The following ZMYM1 variants were observed in gnomAD, a reference collection of about 807,000 sequenced individuals.
ZMYM1 encodes the protein zinc finger MYM-type protein 1.
In ZMYM1, 39 loss-of-function variants were observed where a neutral mutation model predicts 60.0. The ratio of observed to expected loss-of-function variants is 0.65; its 90% confidence interval spans 0.50 to 0.85. The LOEUF (loss-of-function observed/expected upper bound fraction) is 0.85, where lower values mean the gene tolerates loss of function less well. Ranked by LOEUF, ZMYM1 falls within the 40% of genes least tolerant of loss-of-function variation. The pLI, the probability that ZMYM1 is intolerant of heterozygous loss-of-function variation, is 0.00. For synonymous variants in ZMYM1, 413 were observed against 454.0 expected (o/e 0.91, Z 1.15); for missense variants, 1,171 against 1,309.5 (o/e 0.89, Z 1.63).
chr1:35,108,554 T>C (rs1349737671), intron 6 of ZMYM1, among the ~76,000 whole-genome samples: 1 of 151,994 alleles, frequency 6.6e-6, no homozygotes, highest in African/African-American at 2.4e-5. Context: ...GGTTCCACCA[T>C]GTTGGCCAGG....
At chr1:35,105,831 T>C (rs1307667802) in intron 6 of ZMYM1, among the ~76,000 whole-genome samples, 3 of 152,182 alleles carry the variant, frequency 2.0e-5, no homozygotes, top group African/African-American at 7.2e-5. Context: ...GTCTTACAAC[T>C]CCTGAACTCA....
chr1:35,104,766 G>C lies in ZMYM1; in HGVS notation c.804G>C (p.Lys268Asn), dbSNP rs1166528460. The C allele has an allele frequency of 6.2e-7, 1 of 1,610,380 alleles. No homozygotes were observed. Among genetic ancestry groups the C allele is most frequent in the East Asian group, 2.2e-5 (1 of 44,762 alleles). ...FNSSKSITAY[K>N]QKPAKPLISV... ...GTTCAAAGAGTATTACAGCATATAA[G>C]CAGGTATGAATAAAGACCTATTGTT... is the stretch of plus-strand genomic sequence containing the variant. The change falls in exon 6 of 10, where the codon AAG (lysine) becomes AAC (asparagine). Residue 268 changes from lysine to asparagine, a missense_variant. Transcript: ENST00000359858.
At chr1:35,074,419 CTTTT>C (rs932886687), upstream of ZMYM1, among the ~76,000 whole-genome samples, 6 of 151,024 alleles carry the variant, frequency 4.0e-5, no homozygotes, top group African/African-American at 1.5e-4. Context: ...TGTTGATTTT[CTTTT>C]TTTTTCTTTT....
chr1:35,065,876 A>G (rs1203938160), intron 1 of ZMYM1, among the ~76,000 whole-genome samples: 1 of 152,152 alleles, frequency 6.6e-6, no homozygotes, highest in Non-Finnish European at 1.5e-5. Flanking sequence ...TACAGGGCAC[A>G]CAAACATTAA....
At position 35,110,291 on chromosome 1, in the gene ZMYM1, C is replaced by T. The variant is rs767969228; in HGVS notation, c.808-3C>T. 1 of 1,508,434 alleles carries T rather than the reference C, an allele frequency of 6.6e-7. No individual in the cohort carries two copies. The highest frequency in any genetic ancestry group is 2.5e-5 in the East Asian group (1 of 40,164). 93.4% of individuals were successfully genotyped at this position (1,508,434 alleles called of 1,614,324 possible). On this transcript the variant is annotated splice_polypyrimidine_tract_variant and splice_region_variant and intron_variant, in intron 6 of 9. Transcript: ENST00000359858. Reference sequence around the variant, plus strand: ...TATGAATATTATTTTAATCTCTAAACAGAAACCTGCCAAACCACTTATATC... The same window carrying T: ...TATGAATATTATTTTAATCTCTAAATAGAAACCTGCCAAACCACTTATATC...
At position 35,114,130 on chromosome 1, in the gene ZMYM1, C is replaced by G. The variant is rs1398817045; in HGVS notation, c.2300C>G (p.Ala767Gly). The change falls in exon 10 of 10, where the codon GCT (alanine) becomes GGT (glycine). Residue 767 changes from alanine to glycine, a missense_variant. Transcript: ENST00000359858. ...FCKEVKELRSALKTLSSLFNT... is the reference protein window; with the variant it reads ...FCKEVKELRSGLKTLSSLFNT... The stretch of plus-strand genomic sequence containing the variant: ...AAAGAAGTAAAAGAACTCCGAAGTG[C>G]TCTAAAAACTCTCAGTTCTTTGTTC... 1.2e-6 allele frequency: 2 copies of G among 1,609,354 alleles called. No homozygotes were observed. Among genetic ancestry groups the G allele is most frequent in the East Asian group, 4.5e-5 (2 of 44,850 alleles).
At chr1:35,067,816 A>T (rs1641998194) in intron 1 of ZMYM1, among the ~76,000 whole-genome samples, 1 of 151,870 alleles carries the variant, frequency 6.6e-6, no homozygotes. Flanking sequence ...CGGAGGTTGC[A>T]GTGAGCTGAG....
chr1:35,113,288 A>G lies in ZMYM1; in HGVS notation c.1458A>G (p.Lys486=), dbSNP rs780876677. The G allele has an allele frequency of 2.5e-6, 4 of 1,612,468 alleles. No individual in the cohort carries two copies. Among genetic ancestry groups the G allele is most frequent in the Admixed American group, 3.3e-5 (2 of 59,990 alleles). Residue 486 remains lysine, a synonymous_variant, in exon 10 of 10, where the codon AAA becomes AAG. Transcript: ENST00000359858. ...FCYSCQLFCQ[K]YFSCGRESFA... ...ATTCATGCCAGTTGTTCTGCCAAAA[A>G]TATTTTAGCTGTGGAAGAGAGTCAT...
At chr1:35,082,254 CG>C (rs1007453027) in intron 1 of ZMYM1, among the ~76,000 whole-genome samples, 1 of 139,378 alleles carries the variant, frequency 7.2e-6, no homozygotes, top group Non-Finnish European at 1.5e-5. Context: ...GTTTCTTTTG[CG>C]GGGGGTGAGT....
At chr1:35,116,989 G>T (rs1446692598), downstream of ZMYM1, among the ~76,000 whole-genome samples, 1 of 150,172 alleles carries the variant, frequency 6.7e-6, no homozygotes, top group Admixed American at 6.6e-5. Context: ...GACTACAGGC[G>T]CCCGCCACTG....
chr1:35,111,821 A>G lies in ZMYM1; in HGVS notation c.1011A>G (p.Pro337=). 1.2e-6 allele frequency: 2 copies of G among 1,607,966 alleles called. No individual in the cohort carries two copies. The highest frequency in any genetic ancestry group is 1.1e-5 in the South Asian group (1 of 90,188). ...ATACTTCAACAGAGCTTCTTTCTCC[A>G]AAGAAAGATACGACTCCAGTTATAA... ...VHDTSTELLS[P]KKDTTPVISN... Residue 337 remains proline (P), a synonymous_variant, in exon 8 of 10, where the codon CCA becomes CCG. Transcript: ENST00000359858.
Position 35,091,033 on chromosome 1 carries a change from C to A in ZMYM1, c.-74-2881C>A, listed in dbSNP as rs75007191. Among the ~76,000 whole-genome samples the A allele has an allele frequency of 5.2e-3, 788 of 151,962 alleles. 5 individuals are homozygous for A. Among genetic ancestry groups the A allele is most frequent in the Middle Eastern group, 0.017 (5 of 294 alleles). On this transcript the variant is annotated intron_variant, in intron 1 of 9. Transcript: ENST00000359858. ...GAAGAAGAATAATTCCAGGTTAATC[C>A]TAGATTTCTGGCATGGGAAATTAGG...
chr1:35,104,874 T>C, intron 6 of ZMYM1, 105 bp downstream of exon 6: 1 of 854,232 alleles, frequency 1.2e-6, no homozygotes, highest in Admixed American at 2.5e-5. Context: ...ATAATGTCGA[T>C]AAGTTGATGA....
At chr1:35,080,524 C>T (rs1262966245) in intron 1 of ZMYM1, among the ~76,000 whole-genome samples, 2 of 151,984 alleles carry the variant, frequency 1.3e-5, no homozygotes, top group East Asian at 3.9e-4. Flanking sequence ...TTCATGTTGC[C>T]TAGGCTGGTC....
intron 1 of ZMYM1, among the ~76,000 whole-genome samples, chr1:35,060,815 G>A (rs1450154763): frequency 6.6e-6 from 1 of 152,146 alleles, no homozygotes; most frequent in Non-Finnish European, 1.5e-5. Context: ...GGACCTCCTA[G>A]GGCCCAGCCC....
At chr1:35,107,694 G>A (rs1012271150) in intron 6 of ZMYM1, among the ~76,000 whole-genome samples, 1 of 152,102 alleles carries the variant, frequency 6.6e-6, no homozygotes, top group Non-Finnish European at 1.5e-5. Context: ...TAAAAATGGG[G>A]TAGCTTTTTA....
At position 35,104,326 on chromosome 1, in the gene ZMYM1, G is replaced by A; in HGVS notation, c.451G>A (p.Val151Ile). ...DILNPKDVIS[V>I]QLEDTTSCKT... ...TTTAAATCCAAAGGATGTGATTAGT[G>A]TCCAGCTGGAAGACACTACCTCTTG... Residue 151 changes from valine (V) to isoleucine (I), a missense_variant, in exon 5 of 10, where the codon GTC becomes ATC. Transcript: ENST00000359858. The A allele has an allele frequency of 6.2e-7, 1 of 1,603,868 alleles. No individual in the cohort carries two copies. Among genetic ancestry groups the A allele is most frequent in the Non-Finnish European group, 8.5e-7 (1 of 1,176,896 alleles).
At chr1:35,085,133 C>G (rs1425399562) in intron 1 of ZMYM1, among the ~76,000 whole-genome samples, 1 of 151,974 alleles carries the variant, frequency 6.6e-6, no homozygotes, top group South Asian at 2.1e-4. Flanking sequence ...CTGCAAGCTC[C>G]GCCTCCTGGG....
In ZMYM1 at chr1:35,104,607, T is replaced by G; in HGVS notation, c.645T>G (p.Asn215Lys). ...YQNVKHNLCSNACLSKFHSAN... is the reference protein window; with the variant it reads ...YQNVKHNLCSKACLSKFHSAN... ...ATGTGAAACATAATCTTTGCAGTAA[T>G]GCCTGCCTTTCAAAGTTTCACTCTG... Residue 215 changes from asparagine (N) to lysine (K), a missense_variant, in exon 6 of 10, where the codon AAT (asparagine) becomes AAG (lysine). Physicochemically the swap from Asn to Lys is moderately conservative, Grantham distance 94. Transcript: ENST00000359858. 2.5e-6 allele frequency: 4 copies of G among 1,614,214 alleles called. No individual in the cohort carries two copies. The highest frequency in any genetic ancestry group is 3.4e-6 in the Non-Finnish European group (4 of 1,180,038).
Sources: allele counts gnomAD v4.1 joint callset (sites outside exome capture counted in the v4.1 genomes callset), GRCh38; gene constraint gnomAD v4.1.1; transcripts MANE v1.5; gene names NCBI Gene and HGNC (gene_info 2026-07-23, HGNC 2026-07-21).